TIAM2: variants seen among roughly 807,000 people sequenced by gnomAD.
The protein encoded by TIAM2 is rho guanine nucleotide exchange factor TIAM2.
A neutral mutation model predicts 152.9 loss-of-function variants in TIAM2; 80 were observed. The ratio of observed to expected loss-of-function variants is 0.52; its 90% CI spans 0.44 to 0.63. TIAM2 has a LOEUF of 0.63. Among genes scored for constraint, TIAM2 ranks in the 30% least tolerant of loss-of-function variants. The pLI is 0.00. For synonymous variants in TIAM2, 804 were observed against 838.0 expected (o/e 0.96, Z 0.70); for missense variants, 1,965 against 2,120.1 (o/e 0.93, Z 1.44).
At chr6:155,117,918 G>A (rs942230669) in intron 2 of TIAM2, among the ~76,000 whole-genome samples, 6 of 152,190 alleles carry the variant, frequency 3.9e-5, no homozygotes, top group African/African-American at 1.2e-4. Flanking sequence ...CATTCATGTC[G>A]AATTGTTGAG....
At chr6:155,002,478 G>A (rs908438653) in intron 1 of TIAM2, among the ~76,000 whole-genome samples, 3 of 152,012 alleles carry the variant, frequency 2.0e-5, no homozygotes, top group East Asian at 1.9e-4. Flanking sequence ...TTCACTAAGT[G>A]TTTTCTATTT....
intron 1 of TIAM2, among the ~76,000 whole-genome samples, chr6:155,028,494 TACTGTGTTAC>T (rs1397339408): frequency 6.0e-4 from 78 of 130,676 alleles, no homozygotes; most frequent in Middle Eastern, 0.011. Context: ...TACATATATA[TACTGTGTTAC>T]ATATATACTA....
chr6:154,997,187 C>T (rs1248836744), intron 1 of TIAM2, among the ~76,000 whole-genome samples: 1 of 152,204 alleles, frequency 6.6e-6, no homozygotes, highest in Non-Finnish European at 1.5e-5. Flanking sequence ...ACTGTTCTTA[C>T]TCCTCTTGCC....
At chr6:155,099,114 G>C (rs1021978749) in intron 2 of TIAM2, among the ~76,000 whole-genome samples, 12 of 128,162 alleles carry the variant, frequency 9.4e-5, no homozygotes, top group Admixed American at 3.8e-4. Context: ...TTGAACCCGG[G>C]AGTCAGAGGT....
intron 2 of TIAM2, among the ~76,000 whole-genome samples, 189 bp from the exon 3 acceptor site, chr6:155,127,301 G>A (rs577587874): frequency 6.6e-6 from 1 of 152,170 alleles, no homozygotes; most frequent in Admixed American, 6.5e-5. Flanking sequence ...TTGCAAGACT[G>A]GGTGGGCAGT....
intron 15 of TIAM2, among the ~76,000 whole-genome samples, chr6:155,233,625 TAAGATAAAATCATTTTCAAGC>T (rs1350618300): frequency 7.9e-5 from 12 of 152,278 alleles, no homozygotes; most frequent in African/African-American, 2.9e-4. Flanking sequence ...CATCTATAAA[TAAGATAAAATCATTTTCAAGC>T]AGGGATCAAC....
intron 1 of TIAM2, among the ~76,000 whole-genome samples, chr6:155,086,270 C>T (rs982644599): frequency 6.6e-6 from 1 of 152,206 alleles, no homozygotes; most frequent in Non-Finnish European, 1.5e-5. Flanking sequence ...CTAGTCTTAG[C>T]TCTTTCCCGC....
chr6:155,032,323 C>T (rs1165329848), intron 1 of TIAM2, among the ~76,000 whole-genome samples: 7 of 152,242 alleles, frequency 4.6e-5, no homozygotes, highest in Admixed American at 1.3e-4. Flanking sequence ...GTTCATGGAA[C>T]GCAACGCTCG....
Position 155,165,372 on chromosome 6 carries a change from C to T in TIAM2, c.2324C>T (p.Ala775Val), listed in dbSNP as rs149111578. The T allele has an allele frequency of 6.2e-7, 1 of 1,613,914 alleles. No individual in the cohort carries two copies. The highest frequency in any genetic ancestry group is 8.5e-7 in the Non-Finnish European group (1 of 1,179,960). The change falls in exon 9 of 27, where the codon GCC becomes GTC. Residue 775 changes from alanine to valine, a missense_variant. By Grantham distance (64) the Ala-to-Val change is moderately conservative (BLOSUM62 0). Around this residue, in one of 3 missense-constraint regions of TIAM2, gnomAD observed 1,025 missense variants for 1,119.4 expected, o/e 0.92. Coordinates refer to ENST00000682666, the MANE Select transcript of TIAM2 (RefSeq NM_012454.4). ...TCGTTAAAAGGGCTGGACACACTGG[C>T]CAGAAAAGGCAAGGAGAAGAGACCT... ...FSSLKGLDTLARKGKEKRPSI... is the reference protein window; with the variant it reads ...FSSLKGLDTLVRKGKEKRPSI...
intron 3 of TIAM2, among the ~76,000 whole-genome samples, chr6:155,128,625 C>T (rs1047318548): frequency 1.3e-5 from 2 of 151,230 alleles, no homozygotes; most frequent in Non-Finnish European, 2.9e-5. Context: ...TTTGGGAGGC[C>T]GAGGCAAGAG....
At chr6:155,140,571 T>A (rs1018910243) in intron 5 of TIAM2, among the ~76,000 whole-genome samples, 285 of 110,626 alleles carry the variant, frequency 2.6e-3, no homozygotes, top group South Asian at 4.4e-3. Context: ...TGTGTGTGTG[T>A]GTGAGAGAGA....
intron 5 of TIAM2, among the ~76,000 whole-genome samples, chr6:155,140,036 G>T (rs774909481): frequency 1.5e-4 from 23 of 152,210 alleles, no homozygotes; most frequent in Non-Finnish European, 2.5e-4. Context: ...AGTTGATGTG[G>T]CTGAAAAGGT....
At chr6:155,215,557 A>G (rs772481398) in intron 15 of TIAM2, among the ~76,000 whole-genome samples, 8 of 152,146 alleles carry the variant, frequency 5.3e-5, no homozygotes, top group Non-Finnish European at 7.3e-5. Context: ...TCTTTGGTAA[A>G]TACCTAGCAG....
chr6:155,024,657 A>ATTTT (rs1382128047), intron 1 of TIAM2, among the ~76,000 whole-genome samples: 7 of 152,036 alleles, frequency 4.6e-5, no homozygotes, highest in African/African-American at 1.7e-4. Context: ...GTCTTTAAAA[A>ATTTT]AAAAAAAAAA....
chr6:155,107,955 A>G (rs1385207065), intron 2 of TIAM2, among the ~76,000 whole-genome samples: 1 of 152,194 alleles, frequency 6.6e-6, no homozygotes, highest in Admixed American at 6.5e-5. Context: ...TAATTCGCAG[A>G]AAATTGGTAG....
At chr6:155,088,738 G>C (rs112801053) in intron 1 of TIAM2, among the ~76,000 whole-genome samples, 4,753 of 152,268 alleles carry the variant, frequency 0.031, 286 homozygotes, top group African/African-American at 0.11. Context: ...CTGCGGCCCA[G>C]GATGGCTTTG....
intron 16 of TIAM2, among the ~76,000 whole-genome samples, chr6:155,242,546 C>G (rs1230730315): frequency 6.6e-6 from 1 of 152,186 alleles, no homozygotes; most frequent in South Asian, 2.1e-4. Flanking sequence ...TGAACTAAGG[C>G]CAGAAAGTTC....
intron 14 of TIAM2, among the ~76,000 whole-genome samples, chr6:155,188,237 C>T (rs539788227): frequency 1.3e-5 from 2 of 152,262 alleles, no homozygotes; most frequent in East Asian, 1.9e-4. Flanking sequence ...TTGCTGGGCC[C>T]GTGCTTGGAA....
intron 15 of TIAM2, among the ~76,000 whole-genome samples, chr6:155,212,746 C>T (rs1414475343): frequency 6.6e-6 from 1 of 152,146 alleles, no homozygotes; most frequent in Non-Finnish European, 1.5e-5. Flanking sequence ...TGGCCTGCAT[C>T]CCATGCCTGC....
Sources: allele counts gnomAD v4.1 joint callset (sites outside exome capture counted in the v4.1 genomes callset), GRCh38; gene constraint gnomAD v4.1.1; regional missense constraint gnomAD v4.1.1; transcripts MANE v1.5; gene names NCBI Gene and HGNC (gene_info 2026-07-23, HGNC 2026-07-21).